The following NDUFA10 variants were observed in gnomAD, a reference collection of about 807,000 sequenced individuals.
NDUFA10 encodes NADH:ubiquinone oxidoreductase subunit A10.
Under a neutral mutation model 47.8 loss-of-function variants are expected in NDUFA10, and 40 were observed. The ratio of observed to expected loss-of-function variants is 0.84; its 90% CI spans 0.65 to 1.09. NDUFA10 has a LOEUF of 1.09. Among genes scored for constraint, NDUFA10 ranks in the 50% least tolerant of loss-of-function variants. The probability of loss-of-function intolerance (pLI) is 0.00; values close to 1 mark genes in which losing one functional copy is unlikely to be tolerated. For missense variants in NDUFA10, 413 were observed against 451.1 expected (o/e 0.92, Z 0.76); for synonymous variants, 183 against 172.2 (o/e 1.06, Z -0.49).
chr2:239,992,338 G>T (rs993314471), intron 8 of NDUFA10, among the ~76,000 whole-genome samples: 2 of 152,328 alleles, frequency 1.3e-5, no homozygotes, highest in Admixed American at 1.3e-4. Flanking sequence ...TTTAAAACAA[G>T]AGTAAGGCAG....
At chr2:240,022,114 A>C in intron 2 of NDUFA10, 58 bp downstream of exon 2, 1 of 1,481,502 alleles carries the variant, frequency 6.7e-7, no homozygotes, top group Non-Finnish European at 9.3e-7. Flanking sequence ...AAAACCAGTG[A>C]AATAAGCAAC....
chr2:240,019,544 C>T lies in NDUFA10; in HGVS notation c.461-905G>A, dbSNP rs1219387530. ...CTTTAAAAAGAACGTGGAGGCCGGG[C>T]GCGGTGGCTCACGCCTGTAATCCCA... On this transcript the variant is annotated intron_variant, in intron 3 of 9. Transcript: ENST00000252711. Among the ~76,000 whole-genome samples, 5 of 27,626 alleles carry T rather than the reference C, an allele frequency of 1.8e-4. 2 individuals carry two copies. Among genetic ancestry groups the T allele is most frequent in the East Asian group, 1.7e-3 (2 of 1,208 alleles). The allele number at this position is 27,626 out of a possible 152,430, so 18.1% of individuals were successfully genotyped here.
In NDUFA10 at chr2:239,959,637, GA is replaced by G. The variant is rs1472793135; in HGVS notation, c.*1480del. On this transcript the variant is annotated 3_prime_UTR_variant, in exon 10 of 10. Coordinates refer to ENST00000252711, the MANE Select transcript of NDUFA10 (RefSeq NM_004544.4). ...TTAAAACAAGGAAGGAGGCAGGGAG[GA>G]AGGGAAGGGAGGAAAACAAGGACAG... The G allele has an allele frequency of 1.0e-6, 1 of 984,548 alleles. No homozygotes were observed. Among genetic ancestry groups the G allele is most frequent in the African/African-American group, 1.7e-5 (1 of 57,146 alleles). 61.0% of individuals were successfully genotyped at this position (984,548 alleles called of 1,614,324 possible).
intron 9 of NDUFA10, chr2:239,981,992 T>C: frequency 7.6e-7 from 1 of 1,308,814 alleles, no homozygotes; most frequent in Non-Finnish European, 1.0e-6. Context: ...ATCCATGGCC[T>C]CCACTTGCTC....
At chr2:239,949,456 G>A (rs940099092) in intron 4 of NDUFA10, among the ~76,000 whole-genome samples, 2 of 152,214 alleles carry the variant, frequency 1.3e-5, no homozygotes, top group Non-Finnish European at 1.5e-5. Context: ...TCCACTGGGG[G>A]TCTGGAAAGA....
At chr2:240,010,322 G>A (rs3792084) in intron 6 of NDUFA10, among the ~76,000 whole-genome samples, 1 of 152,124 alleles carries the variant, frequency 6.6e-6, no homozygotes, top group Non-Finnish European at 1.5e-5. Flanking sequence ...GAGGCTTAAC[G>A]AGTCTATGAG....
Position 239,928,518 on chromosome 2 carries a change from G to A in NDUFA10, c.295-33204C>T, listed in dbSNP as rs555841234. On this transcript the variant is annotated intron_variant, in intron 4 of 5. Coordinates refer to the NDUFA10 transcript ENST00000419408. This position sits in a 1 kb window ranked among gnomAD's most constrained non-coding sequence, Gnocchi z 4.3. ...CCAGACTCCTCGGCCCTGGCCCACC[G>A]CGAGCCGCTGCTGGGTTTAATGCAG... 1.4e-4 allele frequency among the ~76,000 whole-genome samples: 22 copies of A among 152,250 alleles called. No homozygotes were observed. Among genetic ancestry groups the A allele is most frequent in the African/African-American group, 4.6e-4 (19 of 41,552 alleles).
chr2:239,960,920 T>C lies in NDUFA10; in HGVS notation c.*198A>G. 1 of 1,479,170 alleles carries C rather than the reference T, an allele frequency of 6.8e-7. No individual in the cohort carries two copies. The allele number at this position is 1,479,170 out of a possible 1,614,324, so 91.6% of individuals were successfully genotyped here. A position where few individuals can be genotyped will look rare whatever the true frequency, so the allele number is the denominator to read the frequency against. The stretch of plus-strand genomic sequence containing the variant: ...AAACAAAGCTAAAGGGTTCCAAACA[T>C]CCAGAATGGAAGCTGCTTCCCCCAA... On this transcript the variant is annotated 3_prime_UTR_variant, in exon 10 of 10. Transcript: ENST00000252711.
intron 4 of NDUFA10, among the ~76,000 whole-genome samples, chr2:239,921,183 T>C (rs1033801211): frequency 3.3e-5 from 5 of 152,040 alleles, no homozygotes; most frequent in African/African-American, 1.2e-4. Context: ...GCCGTGTAGG[T>C]AGGCGAGTGA....
At chr2:239,968,303 G>C (rs1029514074) in intron 9 of NDUFA10, among the ~76,000 whole-genome samples, 11 of 152,208 alleles carry the variant, frequency 7.2e-5, no homozygotes, top group Admixed American at 6.5e-4. Flanking sequence ...CACGCAATGC[G>C]CAGAGCACGG....
At chr2:239,910,812 C>T (rs941570347) in intron 4 of NDUFA10, among the ~76,000 whole-genome samples, 1 of 152,162 alleles carries the variant, frequency 6.6e-6, no homozygotes, top group Non-Finnish European at 1.5e-5. Context: ...TTTCCAAAAG[C>T]AATCACTTAA....
Position 240,011,601 on chromosome 2 carries a change from C to G in NDUFA10, c.749+16G>C. On this transcript the variant is annotated intron_variant, in intron 6 of 9. Transcript: ENST00000252711. ...AGAAGTTTTAGCCCTGTAAATCAGT[C>G]GTGTGTTTGGCTCACCTCATCTCAG... 1 of 1,594,798 alleles carries G rather than the reference C, an allele frequency of 6.3e-7. No homozygotes were observed. The highest frequency in any genetic ancestry group is 8.6e-7 in the Non-Finnish European group (1 of 1,162,408).
intron 1 of NDUFA10, among the ~76,000 whole-genome samples, chr2:240,022,669 C>T (rs971838475): frequency 4.6e-5 from 7 of 151,362 alleles, no homozygotes; most frequent in East Asian, 1.9e-4. Context: ...GATGGATGGA[C>T]GGACAGACGG....
downstream of NDUFA10, among the ~76,000 whole-genome samples, chr2:239,955,915 G>C (rs1475200034): frequency 6.6e-6 from 1 of 152,208 alleles, no homozygotes; most frequent in Non-Finnish European, 1.5e-5. Context: ...CCCGGAGTCA[G>C]AGACGGCGCA....
intron 5 of NDUFA10, among the ~76,000 whole-genome samples, chr2:239,894,802 T>C (rs566070342): frequency 1.3e-5 from 2 of 152,166 alleles, no homozygotes; most frequent in African/African-American, 4.8e-5. Flanking sequence ...GATAATGTCA[T>C]ATCTTTTTAT....
rs1694744009 is a variant in NDUFA10, at chr2:239,959,140, C to T, written c.*1978G>A. ...ATCAAACAGACGAATGTCCTCAGCA[C>T]TACAAATTACATACTTCCCACTCCA... On this transcript the variant is annotated 3_prime_UTR_variant, in exon 10 of 10. Transcript: ENST00000252711. The T allele has an allele frequency of 2.0e-6, 2 of 985,462 alleles. No individual in the cohort carries two copies. Among genetic ancestry groups the T allele is most frequent in the Non-Finnish European group, 2.4e-6 (2 of 829,942 alleles). 61.0% of individuals were successfully genotyped at this position (985,462 alleles called of 1,614,324 possible).
intron 9 of NDUFA10, chr2:239,969,304 A>C (rs963803591): frequency 2.4e-5 from 4 of 168,870 alleles, no homozygotes; most frequent in African/African-American, 9.5e-5. Context: ...ACCAAACAGA[A>C]TTTCTAGAGC....
At chr2:240,014,690 T>C in intron 5 of NDUFA10, 49 bp downstream of exon 5, 1 of 1,613,400 alleles carries the variant, frequency 6.2e-7, no homozygotes, top group South Asian at 1.1e-5. Flanking sequence ...TTAGTGCTGA[T>C]CTACATTCAA....
At chr2:239,931,096 G>T (rs73003695) in intron 4 of NDUFA10, among the ~76,000 whole-genome samples, 1,931 of 152,326 alleles carry the variant, frequency 0.013, 24 homozygotes, top group Non-Finnish European at 0.019. Context: ...GCTAAATTGA[G>T]TGCTTCTGGT....
Sources: gnomAD v4.1 joint callset for allele counts (sites outside exome capture counted in the v4.1 genomes callset) on GRCh38, gnomAD v4.1.1 for gene constraint, Gnocchi (gnomAD v3.1) non-coding constraint, MANE v1.5 for transcripts, NCBI Gene and HGNC (gene_info 2026-07-23, HGNC 2026-07-21) for gene names.